The following SLC9B2 variants were observed in gnomAD, a reference collection of about 807,000 sequenced individuals.
SLC9B2 encodes the protein sodium/hydrogen exchanger 9B2.
In SLC9B2, 39 loss-of-function variants were observed where a neutral mutation model predicts 52.2. The ratio of observed to expected loss-of-function variants is 0.75; its 90% CI spans 0.58 to 0.98. The LOEUF (loss-of-function observed/expected upper bound fraction) is 0.98. Ranked by LOEUF, SLC9B2 falls within the 50% of genes least tolerant of loss-of-function variation. The probability of loss-of-function intolerance (pLI) is 0.00; values close to 1 mark genes in which losing one functional copy is unlikely to be tolerated. For synonymous variants in SLC9B2, 214 were observed against 227.0 expected (o/e 0.94, Z 0.51); for missense variants, 626 against 637.5 (o/e 0.98, Z 0.19).
chr4:103,048,780 G>A, intron 6 of SLC9B2, 113 bp downstream of exon 6: 1 of 1,269,636 alleles, frequency 7.9e-7, no homozygotes, highest in Non-Finnish European at 1.1e-6. Context: ...TAACATCTAT[G>A]TTGCATTTTC....
chr4:103,019,135 C>G (rs1741595105), downstream of SLC9B2, among the ~76,000 whole-genome samples: 1 of 152,004 alleles, frequency 6.6e-6, no homozygotes, highest in Non-Finnish European at 1.5e-5. Flanking sequence ...GAGGAGTAAA[C>G]AGGATTAAGG....
At position 103,076,259 on chromosome 4, in the gene SLC9B2, C is replaced by G. The variant is rs985331863; in HGVS notation, c.-118G>C. On this transcript the variant is annotated 5_prime_UTR_variant, in exon 1 of 12. Transcript: ENST00000394785. ...GGGGCTGTGGGGGAGGCGGCGGAGC[C>G]CGGTCTAGCCACCGCGCTCTGGGGT... The G allele has an allele frequency of 6.6e-6, 1 of 152,534 alleles. No individual in the cohort carries two copies. The highest frequency in any genetic ancestry group is 2.4e-5 in the African/African-American group (1 of 41,464). The allele number at this position is 152,534 out of a possible 1,614,324, so 9.4% of individuals were successfully genotyped here. A position where few individuals can be genotyped will look rare whatever the true frequency, so the allele number is the denominator to read the frequency against.
chr4:103,045,521 TAA>T (rs11291655), intron 7 of SLC9B2, among the ~76,000 whole-genome samples: 4 of 142,092 alleles, frequency 2.8e-5, no homozygotes, highest in African/African-American at 7.7e-5. Context: ...TTGAGGTGAT[TAA>T]AAAAAAAAAG....
chr4:103,028,129 T>C (rs1312547546), intron 11 of SLC9B2, among the ~76,000 whole-genome samples: 2 of 152,174 alleles, frequency 1.3e-5, no homozygotes, highest in African/African-American at 4.8e-5. Context: ...CACCTATCTA[T>C]AATAGCTTTA....
chr4:103,035,461 T>C (rs1369791768), intron 9 of SLC9B2, among the ~76,000 whole-genome samples: 1 of 152,192 alleles, frequency 6.6e-6, no homozygotes, highest in African/African-American at 2.4e-5. Context: ...AATGTGTCTT[T>C]ATAACAGAAT....
chr4:103,038,622 T>C (rs1364910139), intron 9 of SLC9B2, among the ~76,000 whole-genome samples: 1 of 152,172 alleles, frequency 6.6e-6, no homozygotes, highest in Non-Finnish European at 1.5e-5. Flanking sequence ...GTATGCATCA[T>C]TAGTAAGAAT....
chr4:103,050,012 C>CAA (rs368672958), intron 5 of SLC9B2, among the ~76,000 whole-genome samples: 4 of 80,154 alleles, frequency 5.0e-5, no homozygotes, highest in Admixed American at 1.5e-4. Context: ...GACTCTGTCT[C>CAA]AAAAAAAAAA....
intron 9 of SLC9B2, chr4:103,042,437 A>G (rs1480015044): frequency 1.3e-5 from 2 of 152,112 alleles, no homozygotes; most frequent in African/African-American, 4.8e-5. Context: ...CTTCCATAAT[A>G]CATATAAACC....
chr4:103,065,756 A>G (rs1353878538), intron 3 of SLC9B2: 1 of 152,244 alleles, frequency 6.6e-6, no homozygotes, highest in East Asian at 1.9e-4. Flanking sequence ...TCCTTCAAAG[A>G]CCAAATCCAT....
At chr4:103,068,729 G>C (rs1746363644) in intron 1 of SLC9B2, among the ~76,000 whole-genome samples, 2 of 152,148 alleles carry the variant, frequency 1.3e-5, no homozygotes, top group African/African-American at 4.8e-5. Context: ...TATCTTGATA[G>C]AGGTACACAC....
chr4:103,072,589 GTACT>G (rs1247240180), intron 1 of SLC9B2, among the ~76,000 whole-genome samples: 1 of 152,096 alleles, frequency 6.6e-6, no homozygotes, highest in African/African-American at 2.4e-5. Context: ...ATGTTTACAA[GTACT>G]TTCTGTAATA....
In SLC9B2 at chr4:103,026,579, A is replaced by T. The variant is rs758586923; in HGVS notation, c.1405T>A (p.Ser469Thr). 6.2e-7 allele frequency: 1 copy of T among 1,612,690 alleles called. No homozygotes were observed. The highest frequency in any genetic ancestry group is 1.1e-5 in the South Asian group (1 of 90,846). Reference protein sequence around the residue: ...PKATVQAAIGSVALDTARSHG... With the variant: ...PKATVQAAIGTVALDTARSHG... The stretch of plus-strand genomic sequence containing the variant: ...GACCTTGCTGTGTCCAAAGCCACAG[A>T]TCCTATTGCAGCCTATAAAAGTTTA... Residue 469 changes from serine to threonine, a missense_variant, in exon 12 of 12, where the codon TCT (serine) becomes ACT (threonine). Physicochemically the swap from Ser to Thr is moderately conservative, Grantham distance 58. Coordinates refer to ENST00000394785, the MANE Select transcript of SLC9B2 (RefSeq NM_178833.7).
downstream of SLC9B2, chr4:103,019,631 G>T: frequency 1.0e-6 from 1 of 985,474 alleles, no homozygotes; most frequent in Non-Finnish European, 1.2e-6. Context: ...CGCTGGCCCG[G>T]GAGCGGCCCA....
At chr4:103,033,692 AACGTGATCTC>A (rs1163158479) in intron 9 of SLC9B2, among the ~76,000 whole-genome samples, 1 of 152,156 alleles carries the variant, frequency 6.6e-6, no homozygotes, top group African/African-American at 2.4e-5. Flanking sequence ...CCAAATCAAG[AACGTGATCTC>A]ATTCACAATC....
At chr4:103,061,290 A>C (rs1031636505) in intron 3 of SLC9B2, among the ~76,000 whole-genome samples, 2 of 150,128 alleles carry the variant, frequency 1.3e-5, no homozygotes, top group African/African-American at 5.1e-5. Context: ...CTGGATTAAG[A>C]AAATGTGGCA....
chr4:103,058,095 A>G, intron 3 of SLC9B2, 124 bp from the exon 4 acceptor site: 1 of 917,548 alleles, frequency 1.1e-6, no homozygotes, highest in Admixed American at 2.6e-5. Flanking sequence ...ATCATGTTTA[A>G]TCTGTAAAGA....
chr4:103,022,228 T>C (rs924820884), downstream of SLC9B2, among the ~76,000 whole-genome samples: 12 of 152,112 alleles, frequency 7.9e-5, no homozygotes, highest in Admixed American at 1.3e-4. Flanking sequence ...AGTGAGGGAG[T>C]AAATGGATTT....
chr4:103,054,548 T>G (rs1454317748), intron 4 of SLC9B2, among the ~76,000 whole-genome samples: 2 of 152,166 alleles, frequency 1.3e-5, no homozygotes, highest in Non-Finnish European at 2.9e-5. Flanking sequence ...GGCTATAAAG[T>G]CTCTGTTACA....
rs759685629 is a variant in SLC9B2, at chr4:103,051,454, A to G, written c.443-1072T>C. On this transcript the variant is annotated intron_variant, in intron 4 of 11. Transcript: ENST00000394785. The stretch of plus-strand genomic sequence containing the variant: ...GAGACAACCTGCTGCACATGAAAGC[A>G]TCACTCCAGGTATCTCTCATCACTG... Among the ~76,000 whole-genome samples, 79 of 152,234 alleles carry G rather than the reference A, an allele frequency of 5.2e-4. 1 individual carries two copies. The highest frequency in any genetic ancestry group is 5.9e-4 in the Admixed American group (9 of 15,278).
Sources: allele counts gnomAD v4.1 joint callset (sites outside exome capture counted in the v4.1 genomes callset), GRCh38; gene constraint gnomAD v4.1.1; transcripts MANE v1.5; gene names NCBI Gene and HGNC (gene_info 2026-07-23, HGNC 2026-07-21).